Variants in RUNX1 observed in about 807,000 individuals in gnomAD.
RUNX1 encodes the protein RUNX family transcription factor 1.
In RUNX1, 19 loss-of-function variants were observed where a neutral mutation model predicts 42.8. That is an observed-to-expected ratio of 0.44 (90% CI 0.31 to 0.65). The LOEUF is 0.65. Ranked by LOEUF, RUNX1 falls within the 30% of genes least tolerant of loss-of-function variation. The pLI is 0.07. For missense variants in RUNX1, 528 were observed against 672.0 expected (o/e 0.79, Z 2.37); for synonymous variants, 271 against 289.4 (o/e 0.94, Z 0.64).
intron 2 of RUNX1, among the ~76,000 whole-genome samples, chr21:35,043,024 C>T (rs1185967725): frequency 6.6e-6 from 1 of 152,122 alleles, no homozygotes; most frequent in African/African-American, 2.4e-5. Flanking sequence ...ACACGTGTCT[C>T]CCCAACAAAG....
At chr21:34,876,122 A>G (rs1244818455) in intron 5 of RUNX1, among the ~76,000 whole-genome samples, 1 of 152,232 alleles carries the variant, frequency 6.6e-6, no homozygotes, top group Non-Finnish European at 1.5e-5. Flanking sequence ...GACAGGCCAC[A>G]GAACACTTGG....
At chr21:34,946,698 T>G (rs1271627056) in intron 2 of RUNX1, among the ~76,000 whole-genome samples, 2 of 152,114 alleles carry the variant, frequency 1.3e-5, no homozygotes, top group African/African-American at 4.8e-5. Context: ...GCAAGCTGAG[T>G]GTACAAGAGC....
At chr21:34,937,057 C>T (rs558394195) in intron 2 of RUNX1, among the ~76,000 whole-genome samples, 12 of 152,200 alleles carry the variant, frequency 7.9e-5, no homozygotes, top group African/African-American at 2.6e-4. Context: ...TCTCTTTGCT[C>T]CCTACACAGA....
At chr21:34,815,244 C>CT (rs1302763460) in intron 7 of RUNX1, among the ~76,000 whole-genome samples, 8 of 152,130 alleles carry the variant, frequency 5.3e-5, no homozygotes, top group Admixed American at 1.3e-4. Flanking sequence ...CTGACCCAGA[C>CT]TTTTTTTTGT....
At chr21:34,872,126 G>GAGCC (rs1275378211) in intron 5 of RUNX1, among the ~76,000 whole-genome samples, 1 of 152,192 alleles carries the variant, frequency 6.6e-6, no homozygotes, top group Non-Finnish European at 1.5e-5. Context: ...TTACAGGTGT[G>GAGCC]AGCCAGCATG....
chr21:34,796,727 A>G (rs151103860), intron 8 of RUNX1, among the ~76,000 whole-genome samples: 17 of 152,346 alleles, frequency 1.1e-4, no homozygotes, highest in African/African-American at 4.1e-4. Context: ...GGCTGCCTTA[A>G]AAGGAGCTTT....
intron 7 of RUNX1, among the ~76,000 whole-genome samples, chr21:34,817,307 A>C (rs1431897664): frequency 1.3e-5 from 2 of 152,232 alleles, no homozygotes; most frequent in Non-Finnish European, 2.9e-5. Context: ...ACTGATGTAC[A>C]TACAGAGATA....
intron 2 of RUNX1, among the ~76,000 whole-genome samples, chr21:35,002,338 T>G (rs902080269): frequency 6.6e-6 from 1 of 151,766 alleles, no homozygotes; most frequent in African/African-American, 2.4e-5. Flanking sequence ...TTATTTGTCT[T>G]ATGCTTTTCC....
chr21:34,899,607 T>C (rs2146480979), intron 2 of RUNX1, among the ~76,000 whole-genome samples: 1 of 152,328 alleles, frequency 6.6e-6, no homozygotes, highest in South Asian at 2.1e-4. Flanking sequence ...ACATCTTCTA[T>C]CAGGCCTCAC....
chr21:34,891,871 G>A (rs2058084159), intron 3 of RUNX1, among the ~76,000 whole-genome samples: 1 of 152,122 alleles, frequency 6.6e-6, no homozygotes, highest in South Asian at 2.1e-4. Context: ...TGCTTGGTTA[G>A]TTGGAAGAAA....
chr21:34,867,954 T>TC (rs2057686143), intron 5 of RUNX1, among the ~76,000 whole-genome samples: 1 of 152,034 alleles, frequency 6.6e-6, no homozygotes, highest in Non-Finnish European at 1.5e-5. Flanking sequence ...TCCTCCTGAT[T>TC]CCGATAGTGC....
At chr21:34,872,046 G>T (rs976590987) in intron 5 of RUNX1, among the ~76,000 whole-genome samples, 1 of 152,066 alleles carries the variant, frequency 6.6e-6, no homozygotes, top group Non-Finnish European at 1.5e-5. Flanking sequence ...GTTTCACCAC[G>T]TTGGCCAAGC....
chr21:34,825,282 T>C (rs1440573183), intron 7 of RUNX1, among the ~76,000 whole-genome samples: 1 of 152,230 alleles, frequency 6.6e-6, no homozygotes, highest in Non-Finnish European at 1.5e-5. Flanking sequence ...CATGAGCTTT[T>C]GGAGGCTAGG....
intron 6 of RUNX1, among the ~76,000 whole-genome samples, chr21:34,855,957 A>G (rs2057490082): frequency 6.6e-6 from 1 of 152,196 alleles, no homozygotes; most frequent in African/African-American, 2.4e-5. Context: ...TAATTTCTAT[A>G]TTACTCTAAG....
chr21:34,841,988 G>A (rs899127633), intron 6 of RUNX1, among the ~76,000 whole-genome samples: 2 of 152,154 alleles, frequency 1.3e-5, no homozygotes, highest in Non-Finnish European at 2.9e-5. Flanking sequence ...TGGAGCCTAG[G>A]AGGCTCACTA....
chr21:35,010,422 G>T (rs956661481), intron 2 of RUNX1, among the ~76,000 whole-genome samples: 75 of 152,212 alleles, frequency 4.9e-4, no homozygotes, highest in African/African-American at 1.7e-3. Context: ...GGTGCTCTGT[G>T]CCTTCTTACC....
chr21:35,047,561 A>ACACACT (rs1428982623), intron 2 of RUNX1, among the ~76,000 whole-genome samples: 23 of 46,810 alleles, frequency 4.9e-4, no homozygotes, highest in Non-Finnish European at 5.0e-4. Flanking sequence ...ACACACACAC[A>ACACACT]CTCTCTCTCT....
At chr21:34,893,074 A>AT in intron 2 of RUNX1, 111 bp from the exon 3 acceptor site, 1 of 694,028 alleles carries the variant, frequency 1.4e-6, no homozygotes, top group South Asian at 1.6e-5. Flanking sequence ...TTAGCACTGG[A>AT]GATTTTTATA....
chr21:35,013,026 C>T (rs112067519), intron 2 of RUNX1, among the ~76,000 whole-genome samples: 8 of 152,300 alleles, frequency 5.3e-5, no homozygotes, highest in African/African-American at 1.7e-4. Context: ...ATTTGGCCCA[C>T]GGACTTCAGT....
Sources: gnomAD v4.1 joint callset for allele counts (sites outside exome capture counted in the v4.1 genomes callset) on GRCh38, gnomAD v4.1.1 for gene constraint, MANE v1.5 for transcripts, NCBI Gene and HGNC (gene_info 2026-07-23, HGNC 2026-07-21) for gene names.